Variants in MSX1 observed in about 807,000 individuals in gnomAD.
MSX1 encodes the protein homeobox protein MSX-1.
Under a neutral mutation model 17.0 loss-of-function variants are expected in MSX1, and 11 were observed. That is an observed-to-expected ratio of 0.65 (90% confidence interval 0.41 to 1.07). MSX1 has a LOEUF of 1.07. Among genes scored for constraint, MSX1 ranks in the 50% least tolerant of loss-of-function variants. The pLI is 0.00. For missense variants in MSX1, 477 were observed against 440.1 expected, an observed-to-expected ratio of 1.08 and a Z score of -0.75; for synonymous variants, 253 against 211.8, an observed-to-expected ratio of 1.19 and a Z score of -1.69.
chr4:4,862,815 A>C lies in MSX1; in HGVS notation c.584A>C (p.Gln195Pro). 1.2e-6 allele frequency: 2 copies of C among 1,613,774 alleles called. No individual in the cohort carries two copies. The highest frequency in any genetic ancestry group is 1.7e-6 in the Non-Finnish European group (2 of 1,180,016). ...CTGGAGCGCAAGTTCCGCCAGAAGC[A>C]GTACCTGTCCATCGCCGAGCGCGCG... Reference protein sequence around the residue: ...LALERKFRQKQYLSIAERAEF... With the variant: ...LALERKFRQKPYLSIAERAEF... Residue 195 changes from glutamine to proline, a missense_variant, in exon 2 of 2, where the codon CAG (glutamine) becomes CCG (proline). Transcript: ENST00000382723.
intron 1 of MSX1, chr4:4,862,456 G>A (rs554215739): frequency 8.8e-5 from 61 of 690,396 alleles, no homozygotes; most frequent in Admixed American, 8.3e-4. Context: ...CCTTCAACGT[G>A]GGTATTTTTC....
rs1737864342 is a variant in MSX1, at chr4:4,859,878, A to C, written c.-22A>C. On this transcript the variant is annotated 5_prime_UTR_variant, in exon 1 of 2. Coordinates refer to ENST00000382723, the MANE Select transcript of MSX1 (RefSeq NM_002448.3). ...CCCGGCGGCTGGCCAGTGCTGCGGC[A>C]GAAGGGGGGGCCCGGCTCTGCATGG... is the stretch of plus-strand genomic sequence containing the variant. 2 of 1,471,512 alleles carry C rather than the reference A, an allele frequency of 1.4e-6. No homozygotes were observed. Among genetic ancestry groups the C allele is most frequent in the Non-Finnish European group, 1.8e-6 (2 of 1,109,934 alleles). 91.2% of individuals were successfully genotyped at this position (1,471,512 alleles called of 1,614,324 possible). A position where few individuals can be genotyped will look rare whatever the true frequency, so the allele number is the denominator to read the frequency against.
intron 1 of MSX1, among the ~76,000 whole-genome samples, chr4:4,862,080 C>T (rs1374003026): frequency 1.3e-5 from 2 of 152,216 alleles, no homozygotes; most frequent in African/African-American, 2.4e-5. Flanking sequence ...CCACAGTGCA[C>T]CCTCCATGAT....
chr4:4,862,712 C>T lies in MSX1; in HGVS notation c.481C>T (p.Pro161Ser). ...FSPPPARRLS[P>S]PACTLRKHKT... Reference sequence around the variant, plus strand: ...CTTTCGGCCCTCAGGGCGGCTGAGCCCCCCAGCCTGCACCCTCCGCAAACA... The same window carrying T: ...CTTTCGGCCCTCAGGGCGGCTGAGCTCCCCAGCCTGCACCCTCCGCAAACA... Residue 161 changes from proline to serine, a missense_variant, in exon 2 of 2, where the codon CCC becomes TCC. Transcript: ENST00000382723. 6.2e-7 allele frequency: 1 copy of T among 1,612,944 alleles called. No individual in the cohort carries two copies. Among genetic ancestry groups the T allele is most frequent in the Non-Finnish European group, 8.5e-7 (1 of 1,180,016 alleles).
rs147849679 is a variant in MSX1 at position 4,862,774 on chromosome 4, C to T, written c.543C>T (p.Thr181=). The T allele has an allele frequency of 1.1e-4, 184 of 1,613,550 alleles. No individual in the cohort carries two copies. In the African/African-American group the frequency reaches 1.2e-3, roughly 10 times the overall value. Residue 181 remains threonine, a synonymous_variant, in exon 2 of 2, where the codon ACC becomes ACT. Coordinates refer to ENST00000382723, the MANE Select transcript of MSX1 (RefSeq NM_002448.3). ...TNRKPRTPFT[T]AQLLALERKF... is the part of the protein sequence containing the mutation. ...GTAAGCCGCGGACGCCCTTCACCAC[C>T]GCGCAGCTGCTGGCGCTGGAGCGCA...
In MSX1 at chr4:4,863,227, C is replaced by A; in HGVS notation, c.*84C>A. The A allele has an allele frequency of 3.7e-6, 5 of 1,365,918 alleles. No homozygotes were observed. In the Admixed American group the frequency reaches 6.0e-5, roughly 16 times the overall value. The allele number at this position is 1,365,918 out of a possible 1,614,324, so 84.6% of individuals were successfully genotyped here. A position where few individuals can be genotyped will look rare whatever the true frequency, so the allele number is the denominator to read the frequency against. On this transcript the variant is annotated 3_prime_UTR_variant, in exon 2 of 2. Transcript: ENST00000382723. Reference sequence around the variant, plus strand: ...CCCGACGTGCTCCCCTGCTCGGCACCGCCAGCCGCCTTCCCTTTAACCCTC... The same window carrying A: ...CCCGACGTGCTCCCCTGCTCGGCACAGCCAGCCGCCTTCCCTTTAACCCTC...
At chr4:4,860,443 C>G in intron 1 of MSX1, 75 bp downstream of exon 1, 1 of 1,517,860 alleles carries the variant, frequency 6.6e-7, no homozygotes, top group Admixed American at 1.9e-5. Flanking sequence ...CCGAGGGCTC[C>G]TGGTGGCCTC....
chr4:4,862,711 C>T lies in MSX1; in HGVS notation c.480C>T (p.Ser160=). 1.2e-6 allele frequency: 2 copies of T among 1,612,530 alleles called. No individual in the cohort carries two copies. Among genetic ancestry groups the T allele is most frequent in the South Asian group, 1.1e-5 (1 of 91,070 alleles). Residue 160 remains serine, a synonymous_variant, in exon 2 of 2, where the codon AGC becomes AGT. Transcript: ENST00000382723. ...TCTTTCGGCCCTCAGGGCGGCTGAG[C>T]CCCCCAGCCTGCACCCTCCGCAAAC... is the stretch of plus-strand genomic sequence containing the variant. ...RFSPPPARRL[S]PPACTLRKHK...
At chr4:4,860,703 G>T (rs1219407709) in intron 1 of MSX1, among the ~76,000 whole-genome samples, 1 of 152,192 alleles carries the variant, frequency 6.6e-6, no homozygotes. Context: ...CTTCACCCCA[G>T]CGGATGAATG....
rs1197270796 is a variant in MSX1, at chr4:4,859,760, AG to A, written c.-136del. 10 of 477,494 alleles carry A rather than the reference AG, an allele frequency of 2.1e-5. No individual in the cohort carries two copies. Among genetic ancestry groups the A allele is most frequent in the Non-Finnish European group, 3.0e-5 (10 of 335,556 alleles). 29.6% of individuals were successfully genotyped at this position (477,494 alleles called of 1,614,324 possible). Reference sequence around the variant, plus strand: ...GCACGCCGGAGCTGGCCTGCTGGGGAGGGGCGGGAGGCGCGCGCGGGAGGGT... The same window carrying A: ...GCACGCCGGAGCTGGCCTGCTGGGGAGGGCGGGAGGCGCGCGCGGGAGGGT... On this transcript the variant is annotated 5_prime_UTR_variant, in exon 1 of 2. Coordinates refer to ENST00000382723, the MANE Select transcript of MSX1 (RefSeq NM_002448.3).
chr4:4,860,720 G>A (rs1413818977), intron 1 of MSX1, among the ~76,000 whole-genome samples: 1 of 152,212 alleles, frequency 6.6e-6, no homozygotes, highest in African/African-American at 2.4e-5. Flanking sequence ...AATGTGTGTG[G>A]TGCGGTATCT....
Position 4,859,999 on chromosome 4 carries a change from A to G in MSX1, c.100A>G (p.Ser34Gly). ...GGGGGGAGGCGCGGGCCAGGCCCCC[A>G]GCGCCGCCGCGGCCACGGCAGCCGC... ...PAGGGAGQAP[S>G]AAAATAAAMG... Residue 34 changes from serine to glycine, a missense_variant, in exon 1 of 2, where the codon AGC becomes GGC. Transcript: ENST00000382723. 4.0e-6 allele frequency: 6 copies of G among 1,495,086 alleles called. No individual in the cohort carries two copies. The highest frequency in any genetic ancestry group is 5.3e-6 in the Non-Finnish European group (6 of 1,123,544). The allele number at this position is 1,495,086 out of a possible 1,614,324, so 92.6% of individuals were successfully genotyped here. A position where few individuals can be genotyped will look rare whatever the true frequency, so the allele number is the denominator to read the frequency against.
chr4:4,860,198 C>A lies in MSX1; in HGVS notation c.299C>A (p.Pro100Gln). Residue 100 changes from proline to glutamine, a missense_variant, in exon 1 of 2, where the codon CCG (proline) becomes CAG (glutamine). Physicochemically the swap from Pro to Gln is moderately conservative, Grantham distance 76. Transcript: ENST00000382723. ...GGSAQPLGVPPGSLGAPDAPS... is the reference protein window; with the variant it reads ...GGSAQPLGVPQGSLGAPDAPS... ...TCGGCGCAGCCACTGGGCGTCCCGC[C>A]GGGGTCGCTGGGAGCCCCGGACGCG... is the stretch of plus-strand genomic sequence containing the variant. 2 of 1,525,344 alleles carry A rather than the reference C, an allele frequency of 1.3e-6. No homozygotes were observed. The highest frequency in any genetic ancestry group is 1.7e-6 in the Non-Finnish European group (2 of 1,143,178). The allele number at this position is 1,525,344 out of a possible 1,614,324, so 94.5% of individuals were successfully genotyped here.
intron 1 of MSX1, 30 bp downstream of exon 1, chr4:4,860,398 AGGGGGCCG>A: frequency 7.2e-7 from 1 of 1,388,866 alleles, no homozygotes. Context: ...GCGCAGAGGG[AGGGGGCCG>A]GGTGGGGGCC....
intron 1 of MSX1, among the ~76,000 whole-genome samples, chr4:4,861,896 A>AAC (rs3836612): frequency 2.1e-4 from 32 of 150,862 alleles, no homozygotes; most frequent in South Asian, 1.9e-3. Context: ...CAACAACATC[A>AAC]ACACACACAC....
chr4:4,861,948 T>C (rs1251332213), intron 1 of MSX1, among the ~76,000 whole-genome samples: 1 of 151,968 alleles, frequency 6.6e-6, no homozygotes, highest in Non-Finnish European at 1.5e-5. Context: ...CAGAGGGCCC[T>C]GGCGCCAGGG....
intron 1 of MSX1, chr4:4,862,301 A>G (rs1265291123): frequency 1.6e-5 from 6 of 371,970 alleles, no homozygotes; most frequent in Middle Eastern, 5.2e-4. Context: ...CTCTTTCTGC[A>G]TGTTCGTCAA....
At position 4,862,800 on chromosome 4, in the gene MSX1, A is replaced by G. The variant is rs940677376; in HGVS notation, c.569A>G (p.Lys190Arg). Residue 190 changes from lysine (K) to arginine (R), a missense_variant, in exon 2 of 2, where the codon AAG becomes AGG. Lys to Arg is a conservative substitution (Grantham distance 26). Coordinates refer to ENST00000382723, the MANE Select transcript of MSX1 (RefSeq NM_002448.3). ...GCGCAGCTGCTGGCGCTGGAGCGCA[A>G]GTTCCGCCAGAAGCAGTACCTGTCC... ...TTAQLLALER[K>R]FRQKQYLSIA... 3.0e-5 allele frequency: 48 copies of G among 1,613,624 alleles called. No homozygotes were observed. Among genetic ancestry groups the G allele is most frequent in the Non-Finnish European group, 4.1e-5 (48 of 1,179,994 alleles).
rs778997180 is a variant in MSX1 at position 4,860,382 on chromosome 4, AC to A, written c.469+17del. 3.7e-6 allele frequency: 5 copies of A among 1,369,610 alleles called. No individual in the cohort carries two copies. The East Asian group carries it at 7.7e-5, about 21-fold the overall frequency. The allele number at this position is 1,369,610 out of a possible 1,614,324, so 84.8% of individuals were successfully genotyped here. ...CGCCGCCGGCCAGTGAGTAGCCAGA[AC>A]CCAGGCGCAGAGGGAGGGGGCCGGG... is the stretch of plus-strand genomic sequence containing the variant. On this transcript the variant is annotated intron_variant, in intron 1 of 1. Transcript: ENST00000382723.
Sources: allele counts gnomAD v4.1 joint callset (sites outside exome capture counted in the v4.1 genomes callset), GRCh38; gene constraint gnomAD v4.1.1; transcripts MANE v1.5; gene names NCBI Gene and HGNC (gene_info 2026-07-23, HGNC 2026-07-21).